NKAIN3: variants seen among roughly 807,000 people sequenced by gnomAD.
The protein encoded by NKAIN3 is sodium/potassium-transporting ATPase subunit beta-1-interacting protein 3.
In NKAIN3, 25 loss-of-function variants were observed where a neutral mutation model predicts 30.2. That is an observed-to-expected ratio of 0.83 (90% CI 0.60 to 1.16). The LOEUF (loss-of-function observed/expected upper bound fraction) is 1.16. Among genes scored for constraint, NKAIN3 ranks in the 50% most tolerant of loss-of-function variants. The pLI, the probability that NKAIN3 is intolerant of heterozygous loss-of-function variation, is 0.00. For missense variants in NKAIN3, 225 were observed against 254.1 expected (o/e 0.89, Z 0.78); for synonymous variants, 91 against 89.6 (o/e 1.02, Z -0.09).
intron 4 of NKAIN3, chr8:62,855,938 G>A: frequency 1.4e-6 from 1 of 738,936 alleles, no homozygotes; most frequent in Non-Finnish European, 2.5e-6. Flanking sequence ...CAACCTCCTT[G>A]TCCAGACACT....
chr8:62,503,409 C>T (rs1178632107), intron 1 of NKAIN3, among the ~76,000 whole-genome samples: 1 of 152,144 alleles, frequency 6.6e-6, no homozygotes, highest in Non-Finnish European at 1.5e-5. Flanking sequence ...ATCAGAAACT[C>T]CTGATAAGGG....
chr8:62,864,920 T>C (rs1185177619), intron 4 of NKAIN3, among the ~76,000 whole-genome samples: 3 of 152,066 alleles, frequency 2.0e-5, no homozygotes, highest in Non-Finnish European at 4.4e-5. Flanking sequence ...CCTGCGGACA[T>C]CTGGAGCGCG....
chr8:62,921,955 A>G (rs1381092308), intron 5 of NKAIN3, among the ~76,000 whole-genome samples: 1 of 152,230 alleles, frequency 6.6e-6, no homozygotes, highest in Non-Finnish European at 1.5e-5. Flanking sequence ...GTCTGTTGCT[A>G]GCACTACTTC....
rs371598766 is a variant in NKAIN3, at chr8:62,557,080, T to A, written c.55-22459T>A. 5.3e-5 allele frequency among the ~76,000 whole-genome samples: 8 copies of A among 152,132 alleles called. No homozygotes were observed. In the East Asian group the frequency reaches 1.4e-3, roughly 26 times the overall value. ...TGTACCTCATTCCCTTCCCATCCTT[T>A]CCCTAAAGTCCACTGTGTCATTGTT... On this transcript the variant is annotated intron_variant, in intron 1 of 6. Transcript: ENST00000623646.
intron 4 of NKAIN3, among the ~76,000 whole-genome samples, chr8:62,916,802 A>G (rs892753880): frequency 4.6e-5 from 7 of 152,136 alleles, no homozygotes; most frequent in Admixed American, 3.9e-4. Flanking sequence ...AGGAGAAATG[A>G]TGGGAGAAAA....
At position 62,977,041 on chromosome 8, in the gene NKAIN3, C is replaced by A. The variant is rs1038748665; in HGVS notation, c.*11634C>A. On this transcript the variant is annotated 3_prime_UTR_variant, in exon 7 of 7. Transcript: ENST00000623646. ...TCTCTTGTGGCTTTTAGGGTTTCTG[C>A]AGAGAGATCTGCTGTTAGTATGATG... 6.6e-6 allele frequency among the ~76,000 whole-genome samples: 1 copy of A among 152,162 alleles called. No individual in the cohort carries two copies. The highest frequency in any genetic ancestry group is 1.5e-5 in the Non-Finnish European group (1 of 68,036).
At chr8:62,494,993 T>A (rs1420139823) in intron 1 of NKAIN3, among the ~76,000 whole-genome samples, 1 of 152,118 alleles carries the variant, frequency 6.6e-6, no homozygotes, top group Admixed American at 6.6e-5. Flanking sequence ...AATTTTTTTA[T>A]GGTAGCAATT....
At chr8:62,555,647 A>G (rs1809364224) in intron 1 of NKAIN3, among the ~76,000 whole-genome samples, 2 of 152,068 alleles carry the variant, frequency 1.3e-5, no homozygotes, top group African/African-American at 4.8e-5. Flanking sequence ...ATATACTAGG[A>G]TAAGTGTAAA....
intron 1 of NKAIN3, among the ~76,000 whole-genome samples, chr8:62,550,806 G>C (rs1246032417): frequency 6.6e-6 from 1 of 152,162 alleles, no homozygotes; most frequent in Non-Finnish European, 1.5e-5. Flanking sequence ...TGTACAAGAA[G>C]AAGAGTTCAG....
At chr8:62,728,390 C>T (rs888237078) in intron 3 of NKAIN3, among the ~76,000 whole-genome samples, 10 of 152,150 alleles carry the variant, frequency 6.6e-5, no homozygotes, top group African/African-American at 2.2e-4. Flanking sequence ...TGGCCGGGTG[C>T]GGTGGCTCAC....
chr8:62,391,371 T>C (rs1294713045), intron 1 of NKAIN3, among the ~76,000 whole-genome samples: 1 of 152,092 alleles, frequency 6.6e-6, no homozygotes, highest in African/African-American at 2.4e-5. Flanking sequence ...CTGGTACTAA[T>C]TTAGCTGAGA....
At chr8:62,930,533 C>A (rs915343092) in intron 5 of NKAIN3, among the ~76,000 whole-genome samples, 1 of 152,084 alleles carries the variant, frequency 6.6e-6, no homozygotes, top group Non-Finnish European at 1.5e-5. Flanking sequence ...GGATTACAGG[C>A]GTGAGTCACA....
intron 4 of NKAIN3, among the ~76,000 whole-genome samples, chr8:62,857,487 A>T (rs1266009296): frequency 6.6e-6 from 1 of 152,188 alleles, no homozygotes; most frequent in Non-Finnish European, 1.5e-5. Flanking sequence ...TACCCCAATC[A>T]GTCATAGATT....
intron 4 of NKAIN3, among the ~76,000 whole-genome samples, chr8:62,767,619 A>G (rs945751936): frequency 6.6e-6 from 1 of 152,192 alleles, no homozygotes; most frequent in East Asian, 1.9e-4. Context: ...CAGTGTCTAC[A>G]TAGTCTCTTA....
chr8:62,870,214 A>ATATCTATATCTATATATAGATATC (rs1820558860), intron 4 of NKAIN3, among the ~76,000 whole-genome samples: 14 of 67,398 alleles, frequency 2.1e-4, no homozygotes, highest in African/African-American at 8.1e-4. Context: ...TTTTGTATAT[A>ATATCTATATCTATATATAGATATC]TATATCTATA....
chr8:62,842,169 T>A (rs1215020877), intron 4 of NKAIN3, among the ~76,000 whole-genome samples: 1 of 152,124 alleles, frequency 6.6e-6, no homozygotes, highest in Non-Finnish European at 1.5e-5. Flanking sequence ...TACTATTGAG[T>A]TATTTCAGTT....
intron 4 of NKAIN3, among the ~76,000 whole-genome samples, chr8:62,906,757 T>C (rs1821791040): frequency 6.6e-6 from 1 of 152,202 alleles, no homozygotes; most frequent in Admixed American, 6.6e-5. Context: ...TCTGCCATTA[T>C]TGTGAGGCCT....
At chr8:62,957,830 C>T (rs1343684774) in intron 6 of NKAIN3, among the ~76,000 whole-genome samples, 1 of 152,044 alleles carries the variant, frequency 6.6e-6, no homozygotes, top group African/African-American at 2.4e-5. Flanking sequence ...TGTACAACAC[C>T]AAGAGTGAAT....
In NKAIN3 at chr8:62,998,062, C is replaced by T. The variant is rs549472281; in HGVS notation, c.533-1169C>T. Among the ~76,000 whole-genome samples the T allele has an allele frequency of 2.4e-4, 36 of 152,208 alleles. 1 individual carries two copies. Among genetic ancestry groups the T allele is most frequent in the African/African-American group, 8.7e-4 (36 of 41,512 alleles). ...TTTCCAATATATTTCATGTTTAGGG[C>T]CATTCACATCAGCACTCATTTGCTG... On this transcript the variant is annotated intron_variant, in intron 5 of 5. Transcript: ENST00000519049.
Sources: gnomAD v4.1 joint callset for allele counts (sites outside exome capture counted in the v4.1 genomes callset) on GRCh38, gnomAD v4.1.1 for gene constraint, MANE v1.5 for transcripts, NCBI Gene and HGNC (gene_info 2026-07-23, HGNC 2026-07-21) for gene names.